The following POFUT3 variants were observed in gnomAD, a reference collection of about 807,000 sequenced individuals.
The protein encoded by POFUT3 is GDP-fucose protein O-fucosyltransferase 3.
the POFUT3 span, among the ~76,000 whole-genome samples, chr8:33,410,882 C>A: frequency 6.6e-6 from 1 of 152,136 alleles, no homozygotes; most frequent in Admixed American, 6.5e-5. Flanking sequence ...CACGGGGGCC[C>A]CAACACAGTG....
chr8:33,405,251 C>A, the POFUT3 span, among the ~76,000 whole-genome samples: 1 of 151,952 alleles, frequency 6.6e-6, no homozygotes, highest in Non-Finnish European at 1.5e-5. Context: ...CGAGATTGTG[C>A]CACTGCACTC....
At chr8:33,312,040 T>A in the POFUT3 span, among the ~76,000 whole-genome samples, 92 of 152,072 alleles carry the variant, frequency 6.0e-4, no homozygotes, top group Admixed American at 5.8e-3. Flanking sequence ...AGCGGGCAGA[T>A]CACTTGAGGT....
the POFUT3 span, among the ~76,000 whole-genome samples, chr8:33,464,729 G>A: frequency 1.4e-4 from 21 of 152,248 alleles, no homozygotes; most frequent in Admixed American, 1.4e-3. Context: ...GCAGTGAGCC[G>A]TGATTGTGCC....
chr8:33,400,161 G>C, the POFUT3 span, among the ~76,000 whole-genome samples: 1 of 149,292 alleles, frequency 6.7e-6, no homozygotes, highest in African/African-American at 2.4e-5. Flanking sequence ...TGGTGGGGGG[G>C]TGGGGAGGGG....
chr8:33,385,754 G>A, the POFUT3 span, among the ~76,000 whole-genome samples: 1 of 152,018 alleles, frequency 6.6e-6, no homozygotes, highest in Non-Finnish European at 1.5e-5. Flanking sequence ...CATGGTGGCA[G>A]GTGCCTGTAA....
the POFUT3 span, among the ~76,000 whole-genome samples, chr8:33,334,667 C>G: frequency 5.3e-5 from 8 of 152,218 alleles, no homozygotes; most frequent in Non-Finnish European, 1.2e-4. Context: ...TAGAGCTAAA[C>G]AGAAGATCTC....
the POFUT3 span, among the ~76,000 whole-genome samples, chr8:33,331,923 C>T: frequency 0.026 from 2 of 76 alleles, no homozygotes; most frequent in African/African-American, 0.083. Flanking sequence ...GTGATCCACC[C>T]GCCTCGCCTC....
chr8:33,389,514 A>G, the POFUT3 span: 1 of 1,614,208 alleles, frequency 6.2e-7, no homozygotes, highest in Non-Finnish European at 8.5e-7. Flanking sequence ...GGTGGGTCAC[A>G]GTCTGACTGT....
At chr8:33,443,782 T>TAC in the POFUT3 span, among the ~76,000 whole-genome samples, 1 of 152,080 alleles carries the variant, frequency 6.6e-6, no homozygotes, top group African/African-American at 2.4e-5. Context: ...CATGAGCCAC[T>TAC]ACATCAGGCC....
chr8:33,402,774 A>G, the POFUT3 span, among the ~76,000 whole-genome samples: 1 of 152,228 alleles, frequency 6.6e-6, no homozygotes, highest in Admixed American at 6.5e-5. Context: ...TATTTAAATT[A>G]TTGGCCAGAT....
At chr8:33,373,423 C>T in the POFUT3 span, among the ~76,000 whole-genome samples, 1,286 of 152,262 alleles carry the variant, frequency 8.4e-3, 7 homozygotes, top group Non-Finnish European at 0.013. Flanking sequence ...TAAGATGTTT[C>T]CACCCAACAA....
the POFUT3 span, among the ~76,000 whole-genome samples, chr8:33,375,891 C>T: frequency 5.2e-4 from 79 of 151,860 alleles, no homozygotes; most frequent in Non-Finnish European, 7.5e-4. Context: ...GTGGCGCGTG[C>T]CTGTAATCCC....
At chr8:33,384,317 A>G in the POFUT3 span, among the ~76,000 whole-genome samples, 1 of 152,210 alleles carries the variant, frequency 6.6e-6, no homozygotes, top group East Asian at 1.9e-4. Flanking sequence ...TCTACCAGCA[A>G]CAATGATCAA....
the POFUT3 span, chr8:33,372,769 G>T: frequency 2.7e-5 from 43 of 1,613,752 alleles, no homozygotes; most frequent in Non-Finnish European, 3.2e-5. Flanking sequence ...AACTCAGGTG[G>T]GTATCTTCTG....
At chr8:33,389,385 C>G in the POFUT3 span, 8 of 1,614,172 alleles carry the variant, frequency 5.0e-6, no homozygotes, top group Non-Finnish European at 6.8e-6. Context: ...AAGCCATCGG[C>G]ATCCATAGAG....
At chr8:33,332,146 A>AAAGAAG in the POFUT3 span, among the ~76,000 whole-genome samples, 1 of 148,580 alleles carries the variant, frequency 6.7e-6, no homozygotes, top group Non-Finnish European at 1.5e-5. Context: ...TTGTCTCAGA[A>AAAGAAG]AAGAAGAAGA....
the POFUT3 span, among the ~76,000 whole-genome samples, chr8:33,403,715 C>A: frequency 1.3e-5 from 2 of 152,146 alleles, no homozygotes; most frequent in African/African-American, 4.8e-5. Context: ...GAGTGAGAGC[C>A]TGTCTTTTAA....
At chr8:33,311,925 T>C in the POFUT3 span, among the ~76,000 whole-genome samples, 6 of 152,238 alleles carry the variant, frequency 3.9e-5, no homozygotes, top group East Asian at 5.8e-4. Flanking sequence ...AGATGAAACA[T>C]ACTGAATTAA....
the POFUT3 span, among the ~76,000 whole-genome samples, chr8:33,357,495 A>AAT: frequency 0.29 from 42,972 of 147,634 alleles, 7,026 homozygotes; most frequent in East Asian, 0.56. Context: ...TCCTCTTGCA[A>AAT]ATATATATAT....
Sources: gnomAD v4.1 joint callset for allele counts (sites outside exome capture counted in the v4.1 genomes callset) on GRCh38, gnomAD v4.1.1 for gene constraint, MANE v1.5 for transcripts, NCBI Gene and HGNC (gene_info 2026-07-23, HGNC 2026-07-21) for gene names.